The following RBFOX1 variants were observed in gnomAD, a reference collection of about 807,000 sequenced individuals.
RBFOX1 encodes the protein RNA binding protein fox-1 homolog 1.
A neutral mutation model predicts 57.7 loss-of-function variants in RBFOX1; 8 were observed. The observed-to-expected ratio is 0.14, with a 90% CI of 0.08 to 0.25. The LOEUF is 0.25. Ranked by LOEUF, RBFOX1 falls within the 10% of genes least tolerant of loss-of-function variation. The probability of loss-of-function intolerance (pLI) is 1.00; values close to 1 mark genes in which losing one functional copy is unlikely to be tolerated. For missense variants in RBFOX1, 611 were observed against 548.5 expected, an observed-to-expected ratio of 1.11 and a Z score of -1.14; for synonymous variants, 326 against 222.4, an observed-to-expected ratio of 1.47 and a Z score of -4.15.
chr16:6,019,029 ATTT>A lies in RBFOX1; in HGVS notation c.-1087_-1085del. ...GGGGCGCTCCCTCGCGCACCAGATT[ATTT>A]TTGGCTCCGCAGCCGGGGCTGCTCG... On this transcript the variant is annotated 5_prime_UTR_variant, in exon 1 of 16. Transcript: ENST00000550418. The surrounding 1 kb of genome is among the most constrained non-coding windows in gnomAD (Gnocchi z 4.2). 1.1e-6 allele frequency: 1 copy of A among 917,986 alleles called. No homozygotes were observed. The highest frequency in any genetic ancestry group is 5.1e-5 in the South Asian group (1 of 19,778). The allele number at this position is 917,986 out of a possible 1,614,324, so 56.9% of individuals were successfully genotyped here.
At chr16:5,646,983 G>C (rs1224302065) in intron 3 of RBFOX1, among the ~76,000 whole-genome samples, 1 of 152,152 alleles carries the variant, frequency 6.6e-6, no homozygotes. Context: ...GGGGAGCGCA[G>C]CCGGCGGCTG....
At chr16:7,321,102 TA>T (rs1171160500) in intron 4 of RBFOX1, among the ~76,000 whole-genome samples, 20 of 150,108 alleles carry the variant, frequency 1.3e-4, no homozygotes, top group Admixed American at 7.4e-4. Context: ...TACATATACA[TA>T]TACATATACA....
intron 2 of RBFOX1, among the ~76,000 whole-genome samples, chr16:6,475,542 A>T (rs921586892): frequency 6.6e-5 from 10 of 152,218 alleles, no homozygotes; most frequent in African/African-American, 2.2e-4. Context: ...CCAGCAACCA[A>T]TATAGAGCTA....
Position 7,122,950 on chromosome 16 carries a change from C to T in RBFOX1, c.27+70852C>T, listed in dbSNP as rs763908397. 5.3e-5 allele frequency among the ~76,000 whole-genome samples: 8 copies of T among 151,764 alleles called. No homozygotes were observed. In the South Asian group the frequency reaches 6.2e-4, roughly 12 times the overall value. On this transcript the variant is annotated intron_variant, in intron 4 of 15. Coordinates refer to ENST00000550418, the MANE Select transcript of RBFOX1 (RefSeq NM_018723.4). ...CTAAGAGAAGGAAGCCAGTCTCAAA[C>T]GATGACATAGTGTATAAATCCATTC... is the stretch of plus-strand genomic sequence containing the variant.
chr16:6,058,280 C>A (rs2095639057), intron 1 of RBFOX1, among the ~76,000 whole-genome samples: 1 of 149,888 alleles, frequency 6.7e-6, no homozygotes, highest in Non-Finnish European at 1.5e-5. Flanking sequence ...TTCCTTTCCT[C>A]CTTCTTTCCC....
At chr16:6,295,414 G>A (rs1599311076) in intron 1 of RBFOX1, among the ~76,000 whole-genome samples, 1 of 152,118 alleles carries the variant, frequency 6.6e-6, no homozygotes, top group Non-Finnish European at 1.5e-5. Flanking sequence ...ATAAGCCACC[G>A]TGCCTGGCCC....
intron 4 of RBFOX1, among the ~76,000 whole-genome samples, chr16:7,512,350 G>T (rs1207300649): frequency 6.6e-6 from 1 of 152,166 alleles, no homozygotes; most frequent in South Asian, 2.1e-4. Flanking sequence ...AAGAATCCAG[G>T]AATGTCACTA....
intron 1 of RBFOX1, among the ~76,000 whole-genome samples, chr16:6,202,743 C>A (rs369461047): frequency 6.6e-6 from 1 of 152,028 alleles, no homozygotes; most frequent in Non-Finnish European, 1.5e-5. Context: ...CTCCAAAAGC[C>A]TCCTCCCACG....
chr16:5,959,059 A>C (rs984086053), intron 4 of RBFOX1, among the ~76,000 whole-genome samples: 3 of 152,230 alleles, frequency 2.0e-5, no homozygotes, highest in Non-Finnish European at 2.9e-5. Flanking sequence ...CACACCAGGT[A>C]AAACTTGCAG....
intron 1 of RBFOX1, chr16:6,092,573 T>A (rs1166147515): frequency 6.6e-6 from 1 of 152,202 alleles, no homozygotes; most frequent in African/African-American, 2.4e-5. Context: ...GTATATGGTG[T>A]AAGGAAGAGG....
chr16:5,415,127 C>T (rs1304188477), intron 1 of RBFOX1, among the ~76,000 whole-genome samples: 1 of 152,172 alleles, frequency 6.6e-6, no homozygotes, highest in Non-Finnish European at 1.5e-5. Context: ...CTTTCTCACG[C>T]TGTTCTAAAG....
At chr16:6,866,918 A>C (rs1384954844) in intron 3 of RBFOX1, among the ~76,000 whole-genome samples, 1 of 151,850 alleles carries the variant, frequency 6.6e-6, no homozygotes, top group African/African-American at 2.4e-5. Flanking sequence ...TAAGGAAACC[A>C]GCCCTTATGG....
intron 2 of RBFOX1, among the ~76,000 whole-genome samples, chr16:5,553,318 ATT>A (rs148430095): frequency 0.089 from 12,879 of 144,872 alleles, 722 homozygotes; most frequent in African/African-American, 0.17. Context: ...ATGTCTGAAT[ATT>A]TTTTTTTTTT....
chr16:5,793,606 A>C (rs34829128), intron 3 of RBFOX1, among the ~76,000 whole-genome samples: 32,529 of 151,678 alleles, frequency 0.21, 3,925 homozygotes, highest in East Asian at 0.4. Flanking sequence ...TCCTCATCTT[A>C]CCCACTACTC....
rs183563643 is a variant in RBFOX1, at chr16:6,278,371, A to C, written c.-126-38624A>C. Among the ~76,000 whole-genome samples, 668 of 103,348 alleles carry C rather than the reference A, an allele frequency of 6.5e-3. 9 individuals are homozygous for C. The highest frequency in any genetic ancestry group is 0.022 in the African/African-American group (646 of 29,240). The allele number at this position is 103,348 out of a possible 152,430, so 67.8% of individuals were successfully genotyped here. ...GTCTCCAACTGGGGGAAATTGTAGG[A>C]CTCACCAAAAAAAAAAAAAAAAAAA... On this transcript the variant is annotated intron_variant, in intron 1 of 15. Transcript: ENST00000550418.
intron 5 of RBFOX1, among the ~76,000 whole-genome samples, chr16:7,534,086 CTTTTTT>C (rs529708813): frequency 7.7e-6 from 1 of 129,924 alleles, no homozygotes; most frequent in African/African-American, 2.9e-5. Context: ...CGTTTTTTTT[CTTTTTT>C]TTTTTTTTTT....
At chr16:6,714,256 C>T (rs718975) in intron 3 of RBFOX1, among the ~76,000 whole-genome samples, 4,363 of 152,218 alleles carry the variant, frequency 0.029, 202 homozygotes, top group African/African-American at 0.098. Flanking sequence ...TCAATTAAAC[C>T]TCTTTCCCAT....
chr16:7,273,255 T>TCCC (rs1158796179), intron 4 of RBFOX1, among the ~76,000 whole-genome samples: 2 of 143,124 alleles, frequency 1.4e-5, no homozygotes, highest in African/African-American at 5.1e-5. Flanking sequence ...CCTTCCTTCC[T>TCCC]TCCTTCCTCC....
At chr16:6,552,791 T>A (rs1341936603) in intron 2 of RBFOX1, among the ~76,000 whole-genome samples, 2 of 151,976 alleles carry the variant, frequency 1.3e-5, no homozygotes, top group South Asian at 4.1e-4. Flanking sequence ...TACAATTATA[T>A]GTGGTATGTA....
Sources: allele counts gnomAD v4.1 joint callset (sites outside exome capture counted in the v4.1 genomes callset), GRCh38; gene constraint gnomAD v4.1.1; non-coding constraint Gnocchi (gnomAD v3.1); transcripts MANE v1.5; gene names NCBI Gene and HGNC (gene_info 2026-07-23, HGNC 2026-07-21).